DENND2B: variants seen among roughly 807,000 people sequenced by gnomAD.
DENND2B encodes DENN domain-containing protein 2B.
In DENND2B, 32 loss-of-function variants were observed where a neutral mutation model predicts 116.0. That is an observed-to-expected ratio of 0.28 (90% CI 0.21 to 0.37). The LOEUF is 0.37. DENND2B is among the 10% of genes least tolerant of loss of function. The pLI, the probability that DENND2B is intolerant of heterozygous loss-of-function variation, is 1.00. For missense variants in DENND2B, 1,276 were observed against 1,477.7 expected, an observed-to-expected ratio of 0.86 and a Z score of 2.24; for synonymous variants, 588 against 583.9, an observed-to-expected ratio of 1.01 and a Z score of -0.10.
intron 1 of DENND2B, among the ~76,000 whole-genome samples, chr11:8,765,503 C>T (rs2055550666): frequency 6.6e-6 from 1 of 152,188 alleles, no homozygotes; most frequent in Non-Finnish European, 1.5e-5. Flanking sequence ...CTTTCTGAGG[C>T]TGGGTTTTCA....
chr11:8,880,197 T>G (rs982523008), intron 2 of DENND2B, among the ~76,000 whole-genome samples: 1 of 152,166 alleles, frequency 6.6e-6, no homozygotes, highest in Non-Finnish European at 1.5e-5. Flanking sequence ...CCTTTTCTTT[T>G]AGGATAATTG....
chr11:8,814,267 C>CTTTT (rs78274604), upstream of DENND2B, among the ~76,000 whole-genome samples: 18,808 of 121,274 alleles, frequency 0.16, 1,951 homozygotes, highest in East Asian at 0.22. Context: ...TCTGAATCAC[C>CTTTT]TTTTTTTTTT....
intron 11 of DENND2B, chr11:8,708,221 G>A (rs1372165505): frequency 3.3e-6 from 4 of 1,230,312 alleles, no homozygotes; most frequent in Non-Finnish European, 4.1e-6. Context: ...CAGATGGGAA[G>A]GACTAGGGTA....
At chr11:8,708,244 A>G (rs2042961928) in intron 11 of DENND2B, 1 of 985,366 alleles carries the variant, frequency 1.0e-6, no homozygotes, top group Non-Finnish European at 1.2e-6. Flanking sequence ...TCCTTAGGAC[A>G]AGCCATTGTA....
intron 1 of DENND2B, among the ~76,000 whole-genome samples, chr11:8,761,975 C>T (rs925047889): frequency 1.3e-5 from 2 of 152,062 alleles, no homozygotes; most frequent in Non-Finnish European, 1.5e-5. Flanking sequence ...GTTTAGCTTT[C>T]CCTCCAGCTC....
intron 1 of DENND2B, among the ~76,000 whole-genome samples, chr11:8,893,824 A>C (rs2064064162): frequency 6.6e-6 from 1 of 152,112 alleles, no homozygotes; most frequent in Non-Finnish European, 1.5e-5. Context: ...CATACTACCC[A>C]AGGTAATTTA....
At chr11:8,905,663 G>A (rs1307009442) in intron 1 of DENND2B, among the ~76,000 whole-genome samples, 3 of 151,994 alleles carry the variant, frequency 2.0e-5, no homozygotes, top group Non-Finnish European at 4.4e-5. Context: ...TCTGGTGTGG[G>A]TGCGGCGGCT....
intron 1 of DENND2B, among the ~76,000 whole-genome samples, chr11:8,900,487 T>A (rs1257114916): frequency 6.7e-6 from 1 of 150,152 alleles, no homozygotes; most frequent in African/African-American, 2.4e-5. Context: ...TGGTCCCAGC[T>A]ACTCAGGAGG....
rs548305724 is a variant in DENND2B, at chr11:8,777,763, G to GA, written c.-25-27039dup. Among the ~76,000 whole-genome samples the GA allele has an allele frequency of 1.8e-3, 274 of 151,882 alleles. 1 individual carries two copies. Among genetic ancestry groups the GA allele is most frequent in the Non-Finnish European group, 2.0e-3 (138 of 67,916 alleles). ...CAGGGAATATAATGTTCAACCCAGG[G>GA]AAAAAAAAGAGAGAACACCTAACCC... is the stretch of plus-strand genomic sequence containing the variant. On this transcript the variant is annotated intron_variant, in intron 1 of 19. Transcript: ENST00000313726.
intron 2 of DENND2B, among the ~76,000 whole-genome samples, chr11:8,740,573 AAGTCCTAGT>A (rs2050016144): frequency 6.6e-6 from 1 of 152,120 alleles, no homozygotes; most frequent in African/African-American, 2.4e-5. Context: ...AGTTGGGAAA[AAGTCCTAGT>A]AGTCCTGGAA....
At chr11:8,892,704 T>C (rs1208043221) in intron 1 of DENND2B, among the ~76,000 whole-genome samples, 1 of 152,158 alleles carries the variant, frequency 6.6e-6, no homozygotes, top group Non-Finnish European at 1.5e-5. Flanking sequence ...TAGGAAGAAG[T>C]TGAATCCCTG....
At chr11:8,850,127 C>T (rs905883865) in intron 3 of DENND2B, among the ~76,000 whole-genome samples, 3 of 151,740 alleles carry the variant, frequency 2.0e-5, no homozygotes, top group African/African-American at 7.3e-5. Flanking sequence ...AGAGGGATAC[C>T]CAGTCACACA....
chr11:8,725,374 AC>A (rs1240647494), intron 4 of DENND2B, among the ~76,000 whole-genome samples: 52 of 140,134 alleles, frequency 3.7e-4, no homozygotes, highest in Non-Finnish European at 2.5e-4. Context: ...ATGAAATATT[AC>A]TTTTTTTTTT....
chr11:8,840,687 C>A (rs1013146019), intron 3 of DENND2B, among the ~76,000 whole-genome samples: 1 of 152,168 alleles, frequency 6.6e-6, no homozygotes, highest in Non-Finnish European at 1.5e-5. Flanking sequence ...GACTCCTACC[C>A]GTTCCATATT....
At chr11:8,878,120 C>G (rs552080504) in intron 2 of DENND2B, among the ~76,000 whole-genome samples, 1 of 152,220 alleles carries the variant, frequency 6.6e-6, no homozygotes, top group East Asian at 1.9e-4. Flanking sequence ...ATTGCCTAAG[C>G]CATGAAAATG....
chr11:8,890,251 T>C (rs993150382), intron 1 of DENND2B, among the ~76,000 whole-genome samples: 1 of 152,042 alleles, frequency 6.6e-6, no homozygotes, highest in Non-Finnish European at 1.5e-5. Context: ...TACGTCACCA[T>C]CATCAAAGAC....
intron 2 of DENND2B, among the ~76,000 whole-genome samples, chr11:8,747,677 G>A (rs1401066446): frequency 6.6e-6 from 1 of 152,148 alleles, no homozygotes; most frequent in African/African-American, 2.4e-5. Flanking sequence ...GGCAGGTAAG[G>A]ATGAACAGTA....
chr11:8,905,676 A>C (rs1407108751), intron 1 of DENND2B, among the ~76,000 whole-genome samples: 1 of 151,870 alleles, frequency 6.6e-6, no homozygotes, highest in Non-Finnish European at 1.5e-5. Context: ...CGGCGGCTCA[A>C]GTCTGTATTC....
At chr11:8,855,349 C>T (rs957123418) in intron 3 of DENND2B, among the ~76,000 whole-genome samples, 2 of 151,412 alleles carry the variant, frequency 1.3e-5, no homozygotes, top group East Asian at 2.0e-4. Context: ...TCCTCTTGGG[C>T]GCCCATCTTA....
Sources: gnomAD v4.1 joint callset for allele counts (sites outside exome capture counted in the v4.1 genomes callset) on GRCh38, gnomAD v4.1.1 for gene constraint, MANE v1.5 for transcripts, NCBI Gene and HGNC (gene_info 2026-07-23, HGNC 2026-07-21) for gene names.